Variants in SUSD5 observed in about 807,000 individuals in gnomAD.
The protein encoded by SUSD5 is sushi domain-containing protein 5.
SUSD5 carries 33 observed loss-of-function variants against 29.5 expected under a neutral mutation model. The ratio of observed to expected loss-of-function variants is 1.12; its 90% CI spans 0.85 to 1.49. The LOEUF is 1.49. SUSD5 is among the 40% of genes most tolerant of loss of function. The pLI is 0.00. For missense variants in SUSD5, 776 were observed against 800.6 expected (o/e 0.97, Z 0.37); for synonymous variants, 308 against 325.3 (o/e 0.95, Z 0.57).
chr3:33,181,414 T>C (rs1428501349), intron 3 of SUSD5, among the ~76,000 whole-genome samples: 1 of 151,226 alleles, frequency 6.6e-6, no homozygotes, highest in African/African-American at 2.4e-5. Flanking sequence ...AGATTTGAGA[T>C]AAAATCTCAC....
intron 3 of SUSD5, among the ~76,000 whole-genome samples, chr3:33,192,821 T>A (rs974874905): frequency 9.2e-5 from 14 of 151,530 alleles, no homozygotes; most frequent in African/African-American, 1.2e-4. Context: ...TGTCAAAAAA[T>A]ATATATATAT....
intron 4 of SUSD5, among the ~76,000 whole-genome samples, chr3:33,162,014 T>A (rs998788246): frequency 6.6e-6 from 1 of 152,044 alleles, no homozygotes; most frequent in African/African-American, 2.4e-5. Flanking sequence ...CCAACAACTA[T>A]AGAATAAATG....
chr3:33,192,942 T>C (rs929018353), intron 3 of SUSD5, among the ~76,000 whole-genome samples: 1 of 152,240 alleles, frequency 6.6e-6, no homozygotes, highest in African/African-American at 2.4e-5. Flanking sequence ...CCATTCTTAC[T>C]ATACACTTAT....
At chr3:33,157,533 T>G (rs1575526903) in intron 4 of SUSD5, among the ~76,000 whole-genome samples, 1 of 152,306 alleles carries the variant, frequency 6.6e-6, no homozygotes, top group South Asian at 2.1e-4. Context: ...TTACTGGCTG[T>G]GGAAGACAGA....
chr3:33,192,650 A>C (rs2031916327), intron 3 of SUSD5, among the ~76,000 whole-genome samples: 1 of 151,648 alleles, frequency 6.6e-6, no homozygotes, highest in African/African-American at 2.4e-5. Context: ...TCTACTAAAA[A>C]TATAAAAAAT....
intron 3 of SUSD5, among the ~76,000 whole-genome samples, chr3:33,193,211 AGTTTAACACAG>A (rs2031931775): frequency 6.6e-6 from 1 of 152,200 alleles, no homozygotes; most frequent in African/African-American, 2.4e-5. Context: ...ACCACTAAGG[AGTTTAACACAG>A]AAAATAACAT....
chr3:33,174,890 C>G lies in SUSD5; in HGVS notation c.594G>C (p.Gly198=). ...GEWYGLVQAC[G]KDEAEAHIDY... ...GCCCATCCCTGGGCTGCTTACCTTTCCCACAGGCCTGCACCAGGCCGTACC... is the reference window on the plus strand; with the variant it reads ...GCCCATCCCTGGGCTGCTTACCTTTGCCACAGGCCTGCACCAGGCCGTACC... Residue 198 remains glycine, a synonymous_variant, in exon 4 of 5, where the codon GGG becomes GGC. Coordinates refer to ENST00000309558, the MANE Select transcript of SUSD5 (RefSeq NM_015551.2). 2 of 1,613,870 alleles carry G rather than the reference C, an allele frequency of 1.2e-6. No homozygotes were observed. The highest frequency in any genetic ancestry group is 1.7e-6 in the Non-Finnish European group (2 of 1,179,820).
intron 2 of SUSD5, among the ~76,000 whole-genome samples, chr3:33,212,241 TA>T (rs1200890976): frequency 2.0e-5 from 3 of 152,044 alleles, no homozygotes; most frequent in Non-Finnish European, 4.4e-5. Flanking sequence ...ATTTAAAAAA[TA>T]AAATTAGGCC....
chr3:33,185,939 A>T (rs1201256968), intron 3 of SUSD5, among the ~76,000 whole-genome samples: 2 of 145,566 alleles, frequency 1.4e-5, no homozygotes, highest in African/African-American at 5.0e-5. Context: ...GCATCAAAGT[A>T]ATGTTACAAT....
intron 3 of SUSD5, among the ~76,000 whole-genome samples, chr3:33,201,945 T>C (rs2032125459): frequency 6.6e-6 from 1 of 152,194 alleles, no homozygotes; most frequent in Admixed American, 6.5e-5. Context: ...TCTAATAACC[T>C]TTCTCCTTTG....
Position 33,150,776 on chromosome 3 carries a change from C to A in SUSD5, c.*1966G>T, listed in dbSNP as rs750952729. The A allele has an allele frequency of 6.6e-6, 1 of 152,056 alleles. No homozygotes were observed. The highest frequency in any genetic ancestry group is 1.9e-4 in the East Asian group (1 of 5,196). 9.4% of individuals were successfully genotyped at this position (152,056 alleles called of 1,614,324 possible). ...AGGTGGCAGGGTAGAAAACATGTTG[C>A]GAATGTTTTTTTTCCTTAGGTAAAA... On this transcript the variant is annotated 3_prime_UTR_variant, in exon 5 of 5. Coordinates refer to ENST00000309558, the MANE Select transcript of SUSD5 (RefSeq NM_015551.2).
intron 3 of SUSD5, among the ~76,000 whole-genome samples, chr3:33,199,997 C>T (rs530023994): frequency 1.3e-5 from 2 of 152,164 alleles, no homozygotes; most frequent in Non-Finnish European, 2.9e-5. Flanking sequence ...TTGGACTCAT[C>T]AACCTCCAGA....
chr3:33,216,979 T>C (rs2032438300), intron 1 of SUSD5, among the ~76,000 whole-genome samples: 1 of 152,202 alleles, frequency 6.6e-6, no homozygotes, highest in Non-Finnish European at 1.5e-5. Flanking sequence ...AAAGGAATCA[T>C]TTCTGGCAAG....
At chr3:33,169,917 C>CT (rs2031388134) in intron 4 of SUSD5, among the ~76,000 whole-genome samples, 1 of 141,064 alleles carries the variant, frequency 7.1e-6, no homozygotes, top group Non-Finnish European at 1.6e-5. Context: ...CTTTTCTTTT[C>CT]TTTCTTTCTT....
chr3:33,168,727 G>C, intron 4 of SUSD5: 2 of 289,214 alleles, frequency 6.9e-6, no homozygotes, highest in Non-Finnish European at 1.0e-5. Context: ...TTGGCTCACT[G>C]TATCCTCCGC....
intron 3 of SUSD5, among the ~76,000 whole-genome samples, chr3:33,201,467 C>T (rs1213847917): frequency 1.3e-5 from 2 of 152,226 alleles, no homozygotes; most frequent in East Asian, 3.8e-4. Flanking sequence ...AGATATCTGC[C>T]TCTGGGGCCA....
chr3:33,208,776 C>T (rs1420051404), intron 2 of SUSD5, among the ~76,000 whole-genome samples: 1 of 152,148 alleles, frequency 6.6e-6, no homozygotes, highest in Non-Finnish European at 1.5e-5. Flanking sequence ...CCTAATAATA[C>T]AACTTGAAAT....
intron 4 of SUSD5, among the ~76,000 whole-genome samples, 167 bp from the exon 5 acceptor site, chr3:33,154,200 T>C (rs1346737368): frequency 2.0e-5 from 3 of 152,200 alleles, no homozygotes; most frequent in Non-Finnish European, 4.4e-5. Context: ...ATAATCTACA[T>C]ATGAATATTA....
At position 33,218,767 on chromosome 3, in the gene SUSD5, G is replaced by C. The variant is rs751258408; in HGVS notation, c.31C>G (p.Arg11Gly). The stretch of plus-strand genomic sequence containing the variant: ...AGCCCGGGGAGGCGTCTGTGCCAAC[G>C]GGCAGGCGGGCTGGGTCCCTCGGCA... MTAEGPSPPA[R>G]WHRRLPGLWA... The change falls in exon 1 of 5, where the codon CGT (arginine) becomes GGT (glycine). Residue 11 changes from arginine to glycine, a missense_variant. Coordinates refer to ENST00000309558, the MANE Select transcript of SUSD5 (RefSeq NM_015551.2). The C allele has an allele frequency of 7.7e-6, 11 of 1,432,156 alleles. No individual in the cohort carries two copies. The African/African-American group carries it at 1.0e-4, about 14-fold the overall frequency. The allele number at this position is 1,432,156 out of a possible 1,614,324, so 88.7% of individuals were successfully genotyped here.
Sources: gnomAD v4.1 joint callset for allele counts (sites outside exome capture counted in the v4.1 genomes callset) on GRCh38, gnomAD v4.1.1 for gene constraint, MANE v1.5 for transcripts, NCBI Gene and HGNC (gene_info 2026-07-23, HGNC 2026-07-21) for gene names.